Variants in CFAP44 observed in about 807,000 individuals in gnomAD.
CFAP44 encodes cilia and flagella associated protein 44, also known as cilia- and flagella-associated protein 44.
Under a neutral mutation model 216.2 loss-of-function variants are expected in CFAP44, and 134 were observed. The observed-to-expected ratio is 0.62, with a 90% CI of 0.54 to 0.72. The LOEUF (loss-of-function observed/expected upper bound fraction) is 0.72, where lower values mean the gene tolerates loss of function less well. Among genes scored for constraint, CFAP44 ranks in the 30% least tolerant of loss-of-function variants. The probability of loss-of-function intolerance (pLI) is 0.00; values close to 1 mark genes in which losing one functional copy is unlikely to be tolerated. For synonymous variants in CFAP44, 700 were observed against 727.6 expected (o/e 0.96, Z 0.61); for missense variants, 2,035 against 2,182.1 (o/e 0.93, Z 1.34).
rs903936956 is a variant in CFAP44 at position 113,379,432 on chromosome 3, C to T, written c.2172G>A (p.Glu724=). The change falls in exon 17 of 35, where the codon GAG becomes GAA. Residue 724 remains glutamate (E), a synonymous_variant. Coordinates refer to ENST00000393845, the MANE Select transcript of CFAP44 (RefSeq NM_001164496.2). ...CCTCCTCCTCTTTCTCCTCTTCCTC[C>T]TCCTGAAATTCTTTTTCTCCATCTT... The part of the protein sequence containing the change: ...MGEDGEKEFQ[E]EEEEKEEEEE... 6.2e-7 allele frequency: 1 copy of T among 1,612,782 alleles called. No homozygotes were observed. Among genetic ancestry groups the T allele is most frequent in the Non-Finnish European group, 8.5e-7 (1 of 1,178,968 alleles).
At chr3:113,419,650 C>T (rs1364568555) in intron 5 of CFAP44, among the ~76,000 whole-genome samples, 1 of 152,114 alleles carries the variant, frequency 6.6e-6, no homozygotes, top group Non-Finnish European at 1.5e-5. Context: ...TTCTCCATTC[C>T]CATGGCCATG....
chr3:113,340,697 G>A (rs1270492090), intron 24 of CFAP44, among the ~76,000 whole-genome samples: 2 of 152,202 alleles, frequency 1.3e-5, no homozygotes, highest in African/African-American at 4.8e-5. Context: ...GCCCCAATGG[G>A]CGTGTCTTAC....
intron 25 of CFAP44, among the ~76,000 whole-genome samples, chr3:113,331,883 C>T (rs996263516): frequency 1.3e-5 from 2 of 151,946 alleles, no homozygotes; most frequent in Admixed American, 6.6e-5. Flanking sequence ...TGGATTTTGA[C>T]CATTAAATTA....
At chr3:113,407,382 T>G (rs1934317247) in intron 7 of CFAP44, among the ~76,000 whole-genome samples, 1 of 152,240 alleles carries the variant, frequency 6.6e-6, no homozygotes, top group South Asian at 2.1e-4. Flanking sequence ...TTTTAGTGTT[T>G]CAGTCACACT....
At chr3:113,386,205 T>C (rs1231810343) in intron 15 of CFAP44, among the ~76,000 whole-genome samples, 4 of 152,230 alleles carry the variant, frequency 2.6e-5, no homozygotes. Flanking sequence ...TTGTCTCATA[T>C]AAATAGAGCA....
Position 113,381,053 on chromosome 3 carries a change from C to T in CFAP44, c.1898G>A (p.Ser633Asn). The stretch of plus-strand genomic sequence containing the variant: ...ATTTTCACAGATAATTAGTAAAGTA[C>T]TTTCAGGCTAAAAAAGAAAAATTGA... The part of the protein sequence containing the change: ...LMWSPMSHPE[S>N]TLLIICENGY... Residue 633 changes from serine to asparagine, a missense_variant, in exon 16 of 35, where the codon AGT becomes AAT. Ser to Asn is a conservative substitution (Grantham distance 46). Coordinates refer to ENST00000393845, the MANE Select transcript of CFAP44 (RefSeq NM_001164496.2). 1 of 1,553,912 alleles carries T rather than the reference C, an allele frequency of 6.4e-7. No individual in the cohort carries two copies. Among genetic ancestry groups the T allele is most frequent in the Non-Finnish European group, 8.7e-7 (1 of 1,155,860 alleles).
At chr3:113,389,913 A>T (rs147743063) in intron 15 of CFAP44, among the ~76,000 whole-genome samples, 1 of 152,266 alleles carries the variant, frequency 6.6e-6, no homozygotes, top group East Asian at 1.9e-4. Context: ...TTCACTGTTG[A>T]ATTCTACCAA....
chr3:113,414,710 C>T lies in CFAP44; in HGVS notation c.673+1815G>A, dbSNP rs116655314. 2.2e-3 allele frequency among the ~76,000 whole-genome samples: 333 copies of T among 152,206 alleles called. 2 individuals are homozygous for T. The highest frequency in any genetic ancestry group is 5.8e-3 in the African/African-American group (241 of 41,530). On this transcript the variant is annotated intron_variant, in intron 6 of 34. Transcript: ENST00000393845. ...CAGCCTTGCATACCAGGGATGAAGGCGGCGTGATCATGGTGGATACGTTTT... is the reference window on the plus strand; with the variant it reads ...CAGCCTTGCATACCAGGGATGAAGGTGGCGTGATCATGGTGGATACGTTTT...
intron 2 of CFAP44, among the ~76,000 whole-genome samples, chr3:113,429,958 A>G (rs1935060481): frequency 6.6e-6 from 1 of 152,136 alleles, no homozygotes; most frequent in Admixed American, 6.6e-5. Context: ...GATGATCTGA[A>G]CATCACTATC....
intron 24 of CFAP44, 65 bp downstream of exon 24, chr3:113,341,679 T>A (rs1296441143): frequency 7.5e-7 from 1 of 1,338,342 alleles, no homozygotes; most frequent in Non-Finnish European, 9.7e-7. Flanking sequence ...ATAAAGATTT[T>A]TAAGATATAT....
intron 5 of CFAP44, among the ~76,000 whole-genome samples, chr3:113,418,057 AATTTATTTATTTATTT>A (rs71299331): frequency 6.7e-6 from 1 of 148,836 alleles, no homozygotes; most frequent in Non-Finnish European, 1.5e-5. Context: ...ATTGAGACAC[AATTTATTTATTTATTT>A]ATTTATTTAT....
chr3:113,369,055 C>T (rs973581515), intron 18 of CFAP44, among the ~76,000 whole-genome samples: 1 of 152,168 alleles, frequency 6.6e-6, no homozygotes, highest in Non-Finnish European at 1.5e-5. Context: ...AATATATATG[C>T]ACTCAATACA....
chr3:113,433,858 G>T, intron 1 of CFAP44, 189 bp from the exon 2 acceptor site: 1 of 429,702 alleles, frequency 2.3e-6, no homozygotes, highest in Non-Finnish European at 4.2e-6. Context: ...CTGCAAGACA[G>T]CTAATTATAA....
At chr3:113,367,661 CA>C (rs1932993174) in intron 18 of CFAP44, among the ~76,000 whole-genome samples, 3 of 152,098 alleles carry the variant, frequency 2.0e-5, no homozygotes, top group Admixed American at 1.3e-4. Flanking sequence ...TTCCAAAAAC[CA>C]GAGCACCTCT....
Position 113,363,306 on chromosome 3 carries a change from T to A in CFAP44, c.2773A>T (p.Ile925Phe). ...TCTCTTTTTCTCCTAGCATTCTCGA[T>A]ACTGAAAACAGAAATTTAAAACAAT... ...EDIEDPKAYS[I>F]ENARRKREHD... The change falls in exon 21 of 35, where the codon ATC (isoleucine) becomes TTC (phenylalanine). Residue 925 changes from isoleucine to phenylalanine, a missense_variant and splice_region_variant. Coordinates refer to ENST00000393845, the MANE Select transcript of CFAP44 (RefSeq NM_001164496.2). 6.3e-7 allele frequency: 1 copy of A among 1,599,162 alleles called. No homozygotes were observed. Among genetic ancestry groups the A allele is most frequent in the Non-Finnish European group, 8.5e-7 (1 of 1,175,264 alleles).
intron 16 of CFAP44, 48 bp from the exon 17 acceptor site, chr3:113,379,599 C>T (rs367987241): frequency 5.6e-6 from 8 of 1,420,786 alleles, no homozygotes; most frequent in African/African-American, 2.9e-5. Flanking sequence ...ATGACTCATT[C>T]GTTCATTTAC....
At chr3:113,412,532 C>T (rs1576597915) in intron 6 of CFAP44, among the ~76,000 whole-genome samples, 1 of 151,928 alleles carries the variant, frequency 6.6e-6, no homozygotes, top group Middle Eastern at 3.4e-3. Flanking sequence ...CTCACCCCCA[C>T]CCCCCAACAG....
At chr3:113,425,944 T>C in intron 4 of CFAP44, 180 bp downstream of exon 4, 1 of 671,208 alleles carries the variant, frequency 1.5e-6, no homozygotes, top group Non-Finnish European at 2.5e-6. Context: ...CTGTCCTTGT[T>C]GTGTGATGGC....
At chr3:113,328,728 A>AAAAC (rs1950215002) in intron 26 of CFAP44, among the ~76,000 whole-genome samples, 1 of 137,472 alleles carries the variant, frequency 7.3e-6, no homozygotes, top group South Asian at 2.3e-4. Context: ...AAAAAAAAAA[A>AAAAC]CAGAGAGAGA....
Sources: gnomAD v4.1 joint callset for allele counts (sites outside exome capture counted in the v4.1 genomes callset) on GRCh38, gnomAD v4.1.1 for gene constraint, MANE v1.5 for transcripts, NCBI Gene and HGNC (gene_info 2026-07-23, HGNC 2026-07-21) for gene names.